TTC17: variants seen among roughly 807,000 people sequenced by gnomAD.
TTC17 encodes the protein tetratricopeptide repeat protein 17.
In TTC17, 58 loss-of-function variants were observed where a neutral mutation model predicts 143.8. That is an observed-to-expected ratio of 0.40 (90% CI 0.33 to 0.50). The LOEUF (loss-of-function observed/expected upper bound fraction) is 0.50, where lower values mean the gene tolerates loss of function less well. Ranked by LOEUF, TTC17 falls within the 20% of genes least tolerant of loss-of-function variation. TTC17 has a pLI of 0.49. For synonymous variants in TTC17, 501 were observed against 497.8 expected (o/e 1.01, Z -0.09); for missense variants, 1,273 against 1,392.5 (o/e 0.91, Z 1.37).
intron 16 of TTC17, among the ~76,000 whole-genome samples, chr11:43,428,122 G>A (rs936071748): frequency 1.3e-5 from 2 of 152,054 alleles, no homozygotes; most frequent in African/African-American, 4.8e-5. Context: ...CTGACAAGTG[G>A]CCTGTATTGT....
At chr11:43,482,180 C>CT (rs1396773474) in intron 21 of TTC17, among the ~76,000 whole-genome samples, 4 of 151,450 alleles carry the variant, frequency 2.6e-5, no homozygotes, top group Non-Finnish European at 5.9e-5. Context: ...TCATTTATGT[C>CT]TGCTCTTATC....
intron 10 of TTC17, among the ~76,000 whole-genome samples, chr11:43,403,069 A>G (rs1451724577): frequency 1.4e-5 from 2 of 145,726 alleles, no homozygotes. Context: ...TTGGTTTCCA[A>G]GGGAAAAAAT....
intron 21 of TTC17, among the ~76,000 whole-genome samples, chr11:43,485,441 A>G (rs1349549138): frequency 6.6e-6 from 1 of 152,208 alleles, no homozygotes. Flanking sequence ...CTATGGAGTA[A>G]GGAAAGTTTT....
intron 16 of TTC17, among the ~76,000 whole-genome samples, chr11:43,420,411 A>G (rs1214765224): frequency 1.3e-5 from 2 of 152,208 alleles, no homozygotes; most frequent in Non-Finnish European, 2.9e-5. Flanking sequence ...TACGTAAAAC[A>G]TGGATGTAAA....
chr11:43,442,588 G>A (rs1947447154), intron 16 of TTC17, among the ~76,000 whole-genome samples: 1 of 152,180 alleles, frequency 6.6e-6, no homozygotes. Flanking sequence ...AATTTTGCCT[G>A]AGCTTCCTTG....
intron 15 of TTC17, among the ~76,000 whole-genome samples, chr11:43,409,921 A>G (rs1858328994): frequency 6.6e-6 from 1 of 151,408 alleles, no homozygotes; most frequent in Admixed American, 6.6e-5. Flanking sequence ...AGCTCACTGC[A>G]AGCTTCGCCA....
chr11:43,406,817 G>A (rs192143740), intron 13 of TTC17, among the ~76,000 whole-genome samples: 133 of 152,272 alleles, frequency 8.7e-4, no homozygotes, highest in Middle Eastern at 3.4e-3. Flanking sequence ...TATTACATCA[G>A]ATATTGCATG....
At chr11:43,486,150 G>A (rs375483203) in intron 21 of TTC17, among the ~76,000 whole-genome samples, 35 of 126,248 alleles carry the variant, frequency 2.8e-4, no homozygotes, top group African/African-American at 1.1e-3. Context: ...CATACAATAC[G>A]CCATAGTCCC....
intron 16 of TTC17, among the ~76,000 whole-genome samples, chr11:43,434,200 C>CGG (rs1947229353): frequency 6.9e-6 from 1 of 144,212 alleles, no homozygotes; most frequent in African/African-American, 2.6e-5. Flanking sequence ...CACACACACA[C>CGG]ACACACACAC....
At chr11:43,392,675 T>C (rs1309676631) in intron 5 of TTC17, among the ~76,000 whole-genome samples, 2 of 152,238 alleles carry the variant, frequency 1.3e-5, no homozygotes, top group Admixed American at 1.3e-4. Context: ...TCTGTAGCTG[T>C]GTTACCATCT....
chr11:43,465,454 A>C (rs1947952671), intron 21 of TTC17, among the ~76,000 whole-genome samples: 1 of 152,226 alleles, frequency 6.6e-6, no homozygotes, highest in South Asian at 2.1e-4. Flanking sequence ...TGTTCAAGAA[A>C]ATAGAAGACA....
chr11:43,473,418 T>C (rs939758086), intron 21 of TTC17, among the ~76,000 whole-genome samples: 9 of 152,276 alleles, frequency 5.9e-5, no homozygotes, highest in East Asian at 1.9e-4. Context: ...GAGATGAACG[T>C]CAGTGATCTA....
At chr11:43,455,150 A>G (rs1028771427) in intron 21 of TTC17, among the ~76,000 whole-genome samples, 2 of 151,710 alleles carry the variant, frequency 1.3e-5, no homozygotes, top group African/African-American at 4.8e-5. Flanking sequence ...AAAACATGTC[A>G]TTTAAACAGC....
intron 21 of TTC17, among the ~76,000 whole-genome samples, chr11:43,482,381 A>G (rs1298429372): frequency 6.6e-6 from 1 of 151,124 alleles, no homozygotes; most frequent in East Asian, 1.9e-4. Flanking sequence ...AACTTGTCAT[A>G]TTTTCATTTT....
At chr11:43,486,439 G>A (rs1948382780) in intron 21 of TTC17, 1 of 452,682 alleles carries the variant, frequency 2.2e-6, no homozygotes, top group African/African-American at 2.0e-5. Context: ...GTCTTGGAAT[G>A]TATCCCTATC....
chr11:43,376,700 A>G (rs1295798422), intron 1 of TTC17, among the ~76,000 whole-genome samples: 1 of 152,194 alleles, frequency 6.6e-6, no homozygotes, highest in African/African-American at 2.4e-5. Context: ...TAGACTCTAA[A>G]CATTGACTCA....
chr11:43,372,344 C>A (rs900821289), intron 1 of TTC17, among the ~76,000 whole-genome samples: 6 of 151,718 alleles, frequency 4.0e-5, no homozygotes, highest in African/African-American at 1.4e-4. Context: ...CTCTTGTCGC[C>A]CAGGCTGGAG....
chr11:43,396,626 A>G, intron 5 of TTC17, 83 bp from the exon 6 acceptor site: 1 of 685,094 alleles, frequency 1.5e-6, no homozygotes, highest in Non-Finnish European at 2.3e-6. Flanking sequence ...CAGAAGAGCC[A>G]GAATATTAAA....
rs1177035085 is a variant in TTC17, at chr11:43,391,725, A to T, written c.532-96A>T. The stretch of plus-strand genomic sequence containing the variant: ...ATCTCTTATTTCTTAAAATTCCAAA[A>T]TATTAGTATTTCAAAATAAACACTA... On this transcript the variant is annotated intron_variant, in intron 4 of 23. Coordinates refer to ENST00000039989, the MANE Select transcript of TTC17 (RefSeq NM_018259.6). 12 of 1,469,664 alleles carry T rather than the reference A, an allele frequency of 8.2e-6. No individual in the cohort carries two copies. In the East Asian group the frequency reaches 2.6e-4, roughly 32 times the overall value. The allele number at this position is 1,469,664 out of a possible 1,614,324, so 91.0% of individuals were successfully genotyped here. A position where few individuals can be genotyped will look rare whatever the true frequency, so the allele number is the denominator to read the frequency against.
Sources: allele counts gnomAD v4.1 joint callset (sites outside exome capture counted in the v4.1 genomes callset), GRCh38; gene constraint gnomAD v4.1.1; transcripts MANE v1.5; gene names NCBI Gene and HGNC (gene_info 2026-07-23, HGNC 2026-07-21).